The following PDE4DIP variants were observed in gnomAD, a reference collection of about 807,000 sequenced individuals.
PDE4DIP encodes myomegalin.
In PDE4DIP, 59 loss-of-function variants were observed where a neutral mutation model predicts 221.4. The ratio of observed to expected loss-of-function variants is 0.27; its 90% CI spans 0.22 to 0.33. The LOEUF is 0.33. Ranked by LOEUF, PDE4DIP falls within the 10% of genes least tolerant of loss-of-function variation. PDE4DIP has a pLI of 1.00. For missense variants in PDE4DIP, 1,036 were observed against 2,154.2 expected (o/e 0.48, Z 10.28); for synonymous variants, 404 against 815.9 (o/e 0.50, Z 8.60).
chr1:148,973,372 C>T lies in PDE4DIP; in HGVS notation c.2227+780C>T, dbSNP rs1282807835. Reference sequence around the variant, plus strand: ...GTCTCAATCTCCTGACCTCGTGATCCGCCCTCCTCGGCCTCCCAAAGTACT... The same window carrying T: ...GTCTCAATCTCCTGACCTCGTGATCTGCCCTCCTCGGCCTCCCAAAGTACT... On this transcript the variant is annotated intron_variant, in intron 16 of 43. Coordinates refer to ENST00000369354, the Ensembl canonical transcript of PDE4DIP. Among the ~76,000 whole-genome samples the T allele has an allele frequency of 3.3e-5, 5 of 149,518 alleles. No homozygotes were observed. In the East Asian group the frequency reaches 8.0e-4, roughly 24 times the overall value.
rs782464789 is a variant in PDE4DIP at position 149,017,897 on chromosome 1, C to T, written c.5650+18C>T. On this transcript the variant is annotated intron_variant, in intron 34 of 43. Coordinates refer to ENST00000369354, the Ensembl canonical transcript of PDE4DIP. The stretch of plus-strand genomic sequence containing the variant: ...TGGAAGGGGTAGGAGAGGCCCAGAC[C>T]TTCCTGTTTCTGGCTCTATTTAGGG... The T allele has an allele frequency of 6.4e-7, 1 of 1,563,884 alleles. No individual in the cohort carries two copies. The highest frequency in any genetic ancestry group is 1.1e-5 in the South Asian group (1 of 87,638).
rs587686302 is a variant in PDE4DIP at position 149,009,816 on chromosome 1, C to A, written c.4927+25C>A. The stretch of plus-strand genomic sequence containing the variant: ...GGTAGCCTCCACTTTCTGGGTGGTA[C>A]CATCTTTGTCTAGGCTGAGTGGAGA... On this transcript the variant is annotated intron_variant, in intron 30 of 43. Transcript: ENST00000369354. 1.9e-5 allele frequency: 28 copies of A among 1,445,732 alleles called. No homozygotes were observed. In the African/African-American group the frequency reaches 3.8e-4, roughly 19 times the overall value. 89.6% of individuals were successfully genotyped at this position (1,445,732 alleles called of 1,614,324 possible). A position where few individuals can be genotyped will look rare whatever the true frequency, so the allele number is the denominator to read the frequency against.
rs782445408 is a variant in PDE4DIP at position 149,012,745 on chromosome 1, G to A, written c.5235G>A (p.Glu1745=). 1.3e-5 allele frequency: 21 copies of A among 1,608,354 alleles called. No individual in the cohort carries two copies. The African/African-American group carries it at 2.7e-4, about 21-fold the overall frequency. Residue 1745 remains glutamate, a synonymous_variant, in exon 32 of 44, where the codon GAG becomes GAA. Transcript: ENST00000369354. ...TCTCCTTGGCTGAGGCTCAGCAGGAGCTACAGATGCTGCAGAAGCAGTTGG... is the reference window on the plus strand; with the variant it reads ...TCTCCTTGGCTGAGGCTCAGCAGGAACTACAGATGCTGCAGAAGCAGTTGG...
chr1:148,964,112 A>AT (rs11401915), intron 9 of PDE4DIP, among the ~76,000 whole-genome samples: 4,085 of 92,316 alleles, frequency 0.044, 165 homozygotes, highest in Non-Finnish European at 0.064. Flanking sequence ...TCTTTCTTTC[A>AT]TTTTTTTTTT....
At chr1:149,030,413 A>T in intron 43 of PDE4DIP, 135 bp downstream of exon 46, 10 of 1,504,732 alleles carry the variant, frequency 6.6e-6, no homozygotes, top group Non-Finnish European at 8.9e-6. Context: ...TTGCAAGATC[A>T]CAGGTCCTCA....
At chr1:148,937,652 A>T (rs1263965011) in intron 4 of PDE4DIP, 95 bp from the exon 8 acceptor site, 1 of 664,590 alleles carries the variant, frequency 1.5e-6, no homozygotes, top group Non-Finnish European at 2.7e-6. Context: ...AAAACCTGCT[A>T]TACTAGACCA....
chr1:149,031,764 C>T (rs1575740103), intron 43 of PDE4DIP, among the ~76,000 whole-genome samples, 180 bp from the exon 47 acceptor site: 1 of 149,708 alleles, frequency 6.7e-6, no homozygotes, highest in South Asian at 2.2e-4. Context: ...GAGGCTCCCC[C>T]TAACCTCGGG....
At chr1:148,998,412 T>C in intron 23 of PDE4DIP, 37 bp downstream of exon 26, 3 of 1,292,292 alleles carry the variant, frequency 2.3e-6, no homozygotes, top group Non-Finnish European at 3.4e-6. Flanking sequence ...AGCTTGCAGG[T>C]CATGAGGCAC....
At chr1:149,010,008 G>A (rs1380080452) in intron 30 of PDE4DIP, among the ~76,000 whole-genome samples, 1 of 152,202 alleles carries the variant, frequency 6.6e-6, no homozygotes, top group East Asian at 1.9e-4. Context: ...ACAAGCTGTT[G>A]GGCACAAAGT....
chr1:148,932,392 TA>T (rs2048233578), intron 4 of PDE4DIP, 104 bp downstream of exon 7: 1 of 1,040,106 alleles, frequency 9.6e-7, no homozygotes, highest in Non-Finnish European at 1.4e-6. Context: ...GGAGCTTCAC[TA>T]TTTCTAAGAC....
chr1:148,996,306 C>T (rs1324297211), intron 22 of PDE4DIP, among the ~76,000 whole-genome samples: 3 of 152,246 alleles, frequency 2.0e-5, no homozygotes, highest in African/African-American at 4.8e-5. Context: ...TTAAGTTACT[C>T]GGAAAGAGTT....
chr1:148,981,896 G>C (rs1320976063), intron 21 of PDE4DIP: 6 of 163,402 alleles, frequency 3.7e-5, no homozygotes, highest in African/African-American at 1.4e-4. Flanking sequence ...AAGCATGCAA[G>C]TTTTAAGATG....
At chr1:149,030,417 G>A (rs1330478772) in intron 43 of PDE4DIP, 139 bp downstream of exon 46, 17 of 1,498,284 alleles carry the variant, frequency 1.1e-5, no homozygotes, top group South Asian at 1.3e-5. Flanking sequence ...AAGATCACAG[G>A]TCCTCAGTGA....
Position 148,962,877 on chromosome 1 carries a change from A to G in PDE4DIP, c.1194+237A>G, listed in dbSNP as rs587744888. Among the ~76,000 whole-genome samples the G allele has an allele frequency of 2.0e-5, 3 of 151,398 alleles. No individual in the cohort carries two copies. The East Asian group carries it at 5.9e-4, about 30-fold the overall frequency. ...CAGACAAAAAACATTAAGATATTTT[A>G]AGAGAGACCACATTCACGTAACTTT... On this transcript the variant is annotated intron_variant, in intron 9 of 43. Transcript: ENST00000369354.
rs181707651 is a variant in PDE4DIP, at chr1:148,947,908, T to C, written c.636+10044T>C. Reference sequence around the variant, plus strand: ...TGATTCCCAGATAGCAGCATCAACATGATCTGGGAACTTGTCAGGAATGCA... The same window carrying C: ...TGATTCCCAGATAGCAGCATCAACACGATCTGGGAACTTGTCAGGAATGCA... On this transcript the variant is annotated intron_variant, in intron 5 of 43. Transcript: ENST00000369354. Among the ~76,000 whole-genome samples the C allele has an allele frequency of 3.4e-3, 514 of 151,500 alleles. 1 individual carries two copies. The highest frequency in any genetic ancestry group is 6.3e-3 in the Non-Finnish European group (429 of 67,928).
chr1:148,893,285 G>A (rs1409853843), intron 1 of PDE4DIP, among the ~76,000 whole-genome samples: 13 of 123,456 alleles, frequency 1.1e-4, no homozygotes, highest in Non-Finnish European at 1.5e-4. Context: ...CGAGGGATTC[G>A]GAAAACACTG....
chr1:148,932,919 C>A (rs1373189033), intron 4 of PDE4DIP, among the ~76,000 whole-genome samples: 2 of 152,092 alleles, frequency 1.3e-5, no homozygotes, highest in Non-Finnish European at 2.9e-5. Flanking sequence ...TAAAAGAGAC[C>A]CCAGAGAGCT....
At chr1:148,998,802 T>C (rs1213287573) in intron 23 of PDE4DIP, among the ~76,000 whole-genome samples, 2 of 151,006 alleles carry the variant, frequency 1.3e-5, no homozygotes, top group Non-Finnish European at 2.9e-5. Flanking sequence ...AGTGGCAAGA[T>C]CTTGGCTCAC....
In PDE4DIP at chr1:148,953,182, C is replaced by T. The variant is rs782433780; in HGVS notation, c.637-7472C>T. ...CTGCACTGCTCCAGGAGGACTTCGCCTATTCAGGGTTTGAGTGCTGGGTGG... is the reference window on the plus strand; with the variant it reads ...CTGCACTGCTCCAGGAGGACTTCGCTTATTCAGGGTTTGAGTGCTGGGTGG... On this transcript the variant is annotated intron_variant, in intron 5 of 43. Coordinates refer to ENST00000369354, the Ensembl canonical transcript of PDE4DIP. The T allele has an allele frequency of 1.2e-5, 20 of 1,614,084 alleles. No individual in the cohort carries two copies. In the East Asian group the frequency reaches 4.0e-4, roughly 32 times the overall value.
Sources: gnomAD v4.1 joint callset for allele counts (sites outside exome capture counted in the v4.1 genomes callset) on GRCh38, gnomAD v4.1.1 for gene constraint, MANE v1.5 for transcripts, NCBI Gene and HGNC (gene_info 2026-07-23, HGNC 2026-07-21) for gene names.